The following RHBDD1 variants were observed in gnomAD, a reference collection of about 807,000 sequenced individuals.
RHBDD1 encodes rhomboid-related protein 4.
A neutral mutation model predicts 36.3 loss-of-function variants in RHBDD1; 38 were observed. The ratio of observed to expected loss-of-function variants is 1.05; its 90% CI spans 0.81 to 1.37. The LOEUF is 1.37. RHBDD1 is among the 40% of genes most tolerant of loss of function. The pLI is 0.00. For synonymous variants in RHBDD1, 151 were observed against 136.5 expected (o/e 1.11, Z -0.74); for missense variants, 393 against 377.6 (o/e 1.04, Z -0.34).
At chr2:226,890,557 T>C (rs1946595649) in intron 5 of RHBDD1, among the ~76,000 whole-genome samples, 1 of 152,178 alleles carries the variant, frequency 6.6e-6, no homozygotes. Flanking sequence ...AAATGCTCTT[T>C]GAGAGATTGA....
At chr2:226,843,463 A>G (rs562498693) in intron 3 of RHBDD1, among the ~76,000 whole-genome samples, 2 of 152,082 alleles carry the variant, frequency 1.3e-5, no homozygotes, top group Non-Finnish European at 2.9e-5. Flanking sequence ...TAGTTTATTG[A>G]GAGTTTTTAA....
In RHBDD1 at chr2:226,981,936, G is replaced by A. The variant is rs149050615; in HGVS notation, c.857-13495G>A. Among the ~76,000 whole-genome samples, 125 of 152,274 alleles carry A rather than the reference G, an allele frequency of 8.2e-4. 1 individual carries two copies. The East Asian group carries it at 0.02, about 25-fold the overall frequency. On this transcript the variant is annotated intron_variant, in intron 8 of 8. Coordinates refer to ENST00000392062, the MANE Select transcript of RHBDD1 (RefSeq NM_001167608.3). Reference sequence around the variant, plus strand: ...ACTCCAAACAGATAAAGGTTGCATCGCCCTCATGGTCCAAGTTATCTAGAC... The same window carrying A: ...ACTCCAAACAGATAAAGGTTGCATCACCCTCATGGTCCAAGTTATCTAGAC...
Position 226,996,801 on chromosome 2 carries a change from T to C in RHBDD1, c.*1279T>C, listed in dbSNP as rs1335008931. 6.6e-6 allele frequency: 1 copy of C among 152,214 alleles called. No individual in the cohort carries two copies. The highest frequency in any genetic ancestry group is 1.5e-5 in the Non-Finnish European group (1 of 68,036). 9.4% of individuals were successfully genotyped at this position (152,214 alleles called of 1,614,324 possible). A position where few individuals can be genotyped will look rare whatever the true frequency, so the allele number is the denominator to read the frequency against. On this transcript the variant is annotated 3_prime_UTR_variant, in exon 9 of 9. Transcript: ENST00000392062. Reference sequence around the variant, plus strand: ...ATGTGTTTATGTGTGTGTGTTACTTTTACAATCAGGAAAACATATTTAATA... The same window carrying C: ...ATGTGTTTATGTGTGTGTGTTACTTCTACAATCAGGAAAACATATTTAATA...
intron 8 of RHBDD1, among the ~76,000 whole-genome samples, chr2:226,923,502 T>A (rs1418454436): frequency 6.6e-6 from 1 of 152,128 alleles, no homozygotes; most frequent in Admixed American, 6.6e-5. Flanking sequence ...GGTAGTCTTA[T>A]TTGGGTCAAA....
chr2:226,871,062 A>G (rs1944760296), intron 5 of RHBDD1, among the ~76,000 whole-genome samples: 1 of 152,222 alleles, frequency 6.6e-6, no homozygotes, highest in African/African-American at 2.4e-5. Flanking sequence ...CTAATATTTG[A>G]CAAGAATAAA....
chr2:226,987,194 G>A (rs1390185552), intron 8 of RHBDD1, among the ~76,000 whole-genome samples: 1 of 152,164 alleles, frequency 6.6e-6, no homozygotes, highest in East Asian at 1.9e-4. Flanking sequence ...GGGGCAAGGG[G>A]AGGCATAGCA....
intron 5 of RHBDD1, among the ~76,000 whole-genome samples, chr2:226,897,146 T>C (rs530276479): frequency 6.6e-6 from 1 of 152,322 alleles, no homozygotes; most frequent in South Asian, 2.1e-4. Context: ...CTCAAGCTGC[T>C]ACATATGTGC....
intron 3 of RHBDD1, among the ~76,000 whole-genome samples, chr2:226,853,266 G>A (rs1943003881): frequency 6.6e-6 from 1 of 152,160 alleles, no homozygotes; most frequent in African/African-American, 2.4e-5. Flanking sequence ...CTGGTCTAGT[G>A]ACTTAAGTTA....
chr2:226,811,550 C>T, the RHBDD1 span, among the ~76,000 whole-genome samples: 1 of 152,128 alleles, frequency 6.6e-6, no homozygotes. Context: ...TGATCCACCC[C>T]CCTCAGTCTC....
At chr2:226,814,203 G>C in the RHBDD1 span, among the ~76,000 whole-genome samples, 3 of 152,062 alleles carry the variant, frequency 2.0e-5, no homozygotes, top group Non-Finnish European at 2.9e-5. Context: ...GTCTATAAGG[G>C]GGATCATACA....
At chr2:226,927,334 G>GTTTTTTTTTTTTTT (rs11453624) in intron 8 of RHBDD1, among the ~76,000 whole-genome samples, 1 of 150,746 alleles carries the variant, frequency 6.6e-6, no homozygotes. Flanking sequence ...TATACCAGAA[G>GTTTTTTTTTTTTTT]TTTTTTTTTG....
chr2:226,903,857 CAGA>C (rs1254436865), intron 5 of RHBDD1, among the ~76,000 whole-genome samples: 1 of 152,110 alleles, frequency 6.6e-6, no homozygotes, highest in Non-Finnish European at 1.5e-5. Flanking sequence ...AACAGAAGAG[CAGA>C]AGAATAGCAG....
chr2:226,847,837 C>T (rs560512774), intron 3 of RHBDD1, among the ~76,000 whole-genome samples: 1 of 152,274 alleles, frequency 6.6e-6, no homozygotes, highest in South Asian at 2.1e-4. Flanking sequence ...AAGCAGTTTT[C>T]GCCTCTCTGT....
chr2:226,875,091 ACTTT>A (rs1416246092), intron 5 of RHBDD1, among the ~76,000 whole-genome samples: 5 of 151,922 alleles, frequency 3.3e-5, no homozygotes, highest in Non-Finnish European at 7.4e-5. Flanking sequence ...TGTGTTTTTC[ACTTT>A]CTTTCTAGGC....
chr2:226,981,425 C>T (rs1353258973), intron 8 of RHBDD1, among the ~76,000 whole-genome samples: 1 of 149,556 alleles, frequency 6.7e-6, no homozygotes, highest in African/African-American at 2.5e-5. Context: ...AAAAGGAGCT[C>T]ATTGAACTTC....
intron 8 of RHBDD1, among the ~76,000 whole-genome samples, chr2:226,954,354 A>G (rs1160262624): frequency 2.0e-5 from 3 of 152,306 alleles, no homozygotes; most frequent in African/African-American, 7.2e-5. Context: ...TGGAGTACCT[A>G]CTATGATCAA....
At chr2:226,920,935 A>C (rs1366006268) in intron 8 of RHBDD1, among the ~76,000 whole-genome samples, 1 of 152,088 alleles carries the variant, frequency 6.6e-6, no homozygotes, top group Non-Finnish European at 1.5e-5. Context: ...TTGGATTGGT[A>C]TTCATTCCTT....
At chr2:226,813,769 T>C in the RHBDD1 span, among the ~76,000 whole-genome samples, 1 of 152,234 alleles carries the variant, frequency 6.6e-6, no homozygotes, top group Non-Finnish European at 1.5e-5. Context: ...TTCCTTATTG[T>C]TGTTGTCCTC....
At chr2:226,817,989 G>C in the RHBDD1 span, among the ~76,000 whole-genome samples, 1 of 152,048 alleles carries the variant, frequency 6.6e-6, no homozygotes, top group African/African-American at 2.4e-5. Context: ...GCATTGTTAA[G>C]GTTATACAAA....
Sources: allele counts gnomAD v4.1 joint callset (sites outside exome capture counted in the v4.1 genomes callset), GRCh38; gene constraint gnomAD v4.1.1; transcripts MANE v1.5; gene names NCBI Gene and HGNC (gene_info 2026-07-23, HGNC 2026-07-21).